PTPRN2: variants seen among roughly 807,000 people sequenced by gnomAD.
PTPRN2 encodes the protein receptor-type tyrosine-protein phosphatase N2.
PTPRN2 carries 74 observed loss-of-function variants against 118.8 expected under a neutral mutation model. That is an observed-to-expected ratio of 0.62 (90% CI 0.52 to 0.76). The LOEUF is 0.76. Ranked by LOEUF, PTPRN2 falls within the 30% of genes least tolerant of loss-of-function variation. The pLI, the probability that PTPRN2 is intolerant of heterozygous loss-of-function variation, is 0.00. For missense variants in PTPRN2, 1,481 were observed against 1,394.4 expected, an observed-to-expected ratio of 1.06 and a Z score of -0.99; for synonymous variants, 641 against 608.0, an observed-to-expected ratio of 1.05 and a Z score of -0.80.
At chr7:158,078,848 G>A (rs897655523) in intron 11 of PTPRN2, among the ~76,000 whole-genome samples, 1 of 151,810 alleles carries the variant, frequency 6.6e-6, no homozygotes, top group Non-Finnish European at 1.5e-5. Context: ...GGTTTTTTTT[G>A]TTTCTTTGTT....
At chr7:157,657,053 A>G (rs1288015663) in intron 13 of PTPRN2, among the ~76,000 whole-genome samples, 15 of 123,298 alleles carry the variant, frequency 1.2e-4, no homozygotes, top group East Asian at 7.9e-4. Flanking sequence ...ACACACATAC[A>G]CCACACACAC....
At chr7:157,703,295 C>T (rs1251653623) in intron 12 of PTPRN2, among the ~76,000 whole-genome samples, 1 of 152,162 alleles carries the variant, frequency 6.6e-6, no homozygotes, top group Non-Finnish European at 1.5e-5. Flanking sequence ...TTTCGAGCTC[C>T]GAGGGATGTC....
chr7:157,689,601 A>G (rs928566322), intron 12 of PTPRN2, among the ~76,000 whole-genome samples: 1 of 152,216 alleles, frequency 6.6e-6, no homozygotes, highest in South Asian at 2.1e-4. Context: ...ACGCTTCTCT[A>G]AAACCACGGA....
chr7:158,495,448 C>T (rs557563612), intron 1 of PTPRN2, among the ~76,000 whole-genome samples: 1 of 152,240 alleles, frequency 6.6e-6, no homozygotes, highest in East Asian at 1.9e-4. Context: ...TTCTCCCTTG[C>T]ATTCTCAGAT....
intron 13 of PTPRN2, among the ~76,000 whole-genome samples, chr7:157,672,569 G>A (rs1185786560): frequency 2.0e-5 from 3 of 152,188 alleles, no homozygotes; most frequent in African/African-American, 4.8e-5. Context: ...ATTCCAGGAA[G>A]ATTGCGTTAT....
At position 158,081,429 on chromosome 7, in the gene PTPRN2, G is replaced by C. The variant is rs369219240; in HGVS notation, c.1644-52C>G. ...CATAACGAAGTCTACGCGCCACACC[G>C]CTTTTCTGAAAACGACATGGAAAAC... On this transcript the variant is annotated intron_variant, in intron 10 of 22. Transcript: ENST00000389418. The C allele has an allele frequency of 7.8e-6, 12 of 1,538,272 alleles. No individual in the cohort carries two copies. In the East Asian group the frequency reaches 2.5e-4, roughly 32 times the overall value.
At chr7:158,256,703 C>T (rs1797047646) in intron 3 of PTPRN2, among the ~76,000 whole-genome samples, 1 of 152,056 alleles carries the variant, frequency 6.6e-6, no homozygotes, top group South Asian at 2.1e-4. Flanking sequence ...ACCCTGGTGG[C>T]TTGAGAGCAA....
chr7:157,857,557 C>T (rs1248908059), intron 12 of PTPRN2: 1 of 152,298 alleles, frequency 6.6e-6, no homozygotes, highest in Non-Finnish European at 1.5e-5. Context: ...AGGTGAGGCT[C>T]CTACACCCAC....
chr7:158,121,516 C>G (rs1343550277), intron 9 of PTPRN2, among the ~76,000 whole-genome samples: 1 of 152,200 alleles, frequency 6.6e-6, no homozygotes. Flanking sequence ...AAGCCAACTT[C>G]CCAATCAATG....
intron 12 of PTPRN2, among the ~76,000 whole-genome samples, chr7:157,822,548 CA>C (rs2151142831): frequency 6.6e-6 from 1 of 152,076 alleles, no homozygotes; most frequent in South Asian, 2.1e-4. Flanking sequence ...TCCATCCATC[CA>C]ATCATCCGCT....
chr7:157,658,800 C>T (rs947909911), intron 13 of PTPRN2, among the ~76,000 whole-genome samples: 2 of 152,180 alleles, frequency 1.3e-5, no homozygotes, highest in African/African-American at 2.4e-5. Flanking sequence ...TGGAGCTCAA[C>T]AGAAGAGGTG....
chr7:157,689,258 C>T (rs1321082888), intron 12 of PTPRN2, among the ~76,000 whole-genome samples: 4 of 152,232 alleles, frequency 2.6e-5, no homozygotes, highest in African/African-American at 7.2e-5. Flanking sequence ...CTGGGATCGG[C>T]GACGCAAGGA....
rs1804721423 is a variant in PTPRN2 at position 158,332,623 on chromosome 7, A to T, written c.164-15691T>A. Among the ~76,000 whole-genome samples, 5 of 150,864 alleles carry T rather than the reference A, an allele frequency of 3.3e-5. No homozygotes were observed. The South Asian group carries it at 1.0e-3, about 31-fold the overall frequency. The stretch of plus-strand genomic sequence containing the variant: ...ATAAGAAGTGACACCTGCAGATGTC[A>T]CTCACACCCACACTGTCACCATAAG... On this transcript the variant is annotated intron_variant, in intron 2 of 22. Coordinates refer to ENST00000389418, the MANE Select transcript of PTPRN2 (RefSeq NM_002847.5).
chr7:158,325,350 C>A (rs1803407634), intron 2 of PTPRN2, among the ~76,000 whole-genome samples: 1 of 121,310 alleles, frequency 8.2e-6, no homozygotes, highest in Non-Finnish European at 1.7e-5. Context: ...TCTTTACCTA[C>A]TTTTACTTAT....
chr7:158,510,025 A>G (rs1823057971), intron 1 of PTPRN2, among the ~76,000 whole-genome samples: 1 of 152,158 alleles, frequency 6.6e-6, no homozygotes, highest in Admixed American at 6.5e-5. Flanking sequence ...CACACAACCA[A>G]GCTGCCCATT....
Position 157,975,885 on chromosome 7 carries a change from G to T in PTPRN2, c.1724-77148C>A, listed in dbSNP as rs1043689183. ...GAGTTCCCAGGGTGGAGGTCCAGCTGCTCTGAGCCTGGTCCAAGGACAGCC... is the reference window on the plus strand; with the variant it reads ...GAGTTCCCAGGGTGGAGGTCCAGCTTCTCTGAGCCTGGTCCAAGGACAGCC... On this transcript the variant is annotated intron_variant, in intron 11 of 22. Transcript: ENST00000389418. Among the ~76,000 whole-genome samples, 6 of 152,216 alleles carry T rather than the reference G, an allele frequency of 3.9e-5. No individual in the cohort carries two copies. The East Asian group carries it at 9.6e-4, about 24-fold the overall frequency.
At chr7:157,577,928 T>C in intron 18 of PTPRN2, 93 bp downstream of exon 18, 1 of 1,416,558 alleles carries the variant, frequency 7.1e-7, no homozygotes, top group Non-Finnish European at 9.4e-7. Context: ...CATGCGGCCC[T>C]GGGGGGCCCT....
intron 21 of PTPRN2, among the ~76,000 whole-genome samples, chr7:157,551,253 G>A (rs147061773): frequency 3.9e-5 from 6 of 152,092 alleles, no homozygotes; most frequent in Admixed American, 2.0e-4. Context: ...TGTTGCACCC[G>A]TGACTGTACC....
intron 12 of PTPRN2, among the ~76,000 whole-genome samples, chr7:157,747,863 C>A (rs1374485914): frequency 4.6e-4 from 60 of 130,512 alleles, no homozygotes; most frequent in African/African-American, 1.5e-3. Flanking sequence ...CTGAGGCCTG[C>A]GTCCCTGAGC....
Sources: gnomAD v4.1 joint callset for allele counts (sites outside exome capture counted in the v4.1 genomes callset) on GRCh38, gnomAD v4.1.1 for gene constraint, MANE v1.5 for transcripts, NCBI Gene and HGNC (gene_info 2026-07-23, HGNC 2026-07-21) for gene names.